The following CD99 variants were observed in gnomAD, a reference collection of about 807,000 sequenced individuals.
The protein encoded by CD99 is CD99 molecule (Xg blood group).
Under a neutral mutation model 28.4 loss-of-function variants are expected in CD99, and 19 were observed. That is an observed-to-expected ratio of 0.67 (90% CI 0.47 to 0.98). The LOEUF (loss-of-function observed/expected upper bound fraction) is 0.98, where lower values mean the gene tolerates loss of function less well. Ranked by LOEUF, CD99 falls within the 50% of genes least tolerant of loss-of-function variation. CD99 has a pLI of 0.00. For missense variants in CD99, 283 were observed against 248.8 expected (o/e 1.14, Z -0.92); for synonymous variants, 103 against 92.1 (o/e 1.12, Z -0.67).
rs1603279871 is a variant in CD99 at position 2,718,621 on chromosome X, G to T, written c.148+969G>T. ...CCTGACCTTGTGATCCACGCGCCTT[G>T]GCCTCCCAAAGTGCTGGGATTACGG... On this transcript the variant is annotated intron_variant, in intron 3 of 9. Coordinates refer to ENST00000381192, the MANE Select transcript of CD99 (RefSeq NM_002414.5). 2.6e-5 allele frequency among the ~76,000 whole-genome samples: 4 copies of T among 151,276 alleles called. No homozygotes were observed. In the South Asian group the frequency reaches 8.4e-4, roughly 32 times the overall value.
At chrX:2,714,234 T>C (rs1003794200) in intron 1 of CD99, 188 bp from the exon 2 acceptor site, 2 of 157,800 alleles carry the variant, frequency 1.3e-5, no homozygotes, top group Admixed American at 1.3e-4. Context: ...TAGGCTAACA[T>C]ATTCTTACTT....
intron 8 of CD99, chrX:2,733,546 C>T (rs2049786367): frequency 1.5e-6 from 1 of 663,302 alleles, no homozygotes; most frequent in Non-Finnish European, 2.6e-6. Flanking sequence ...CCTTCAGTTC[C>T]ATATGCTTTT....
rs201152464 is a variant in CD99, at chrX:2,732,619, CCTT to C, written c.476-5574_476-5572del. The stretch of plus-strand genomic sequence containing the variant: ...CTCCCTCTTTCTTCCTCCCTCCCTC[CCTT>C]CTTCTTTTCCTCCTTTTCCTTTTTC... On this transcript the variant is annotated intron_variant, in intron 8 of 9. Transcript: ENST00000381192. Among the ~76,000 whole-genome samples the C allele has an allele frequency of 0.018, 2,754 of 149,752 alleles. 286 individuals are homozygous for C. The East Asian group carries it at 0.34, about 19-fold the overall frequency.
At chrX:2,705,902 TC>T (rs1234244419) in intron 1 of CD99, among the ~76,000 whole-genome samples, 1 of 152,036 alleles carries the variant, frequency 6.6e-6, no homozygotes. Context: ...CAGGAGGACT[TC>T]CGGTGCTTGC....
At chrX:2,718,765 G>T (rs1469556659) in intron 3 of CD99, among the ~76,000 whole-genome samples, 1 of 152,168 alleles carries the variant, frequency 6.6e-6, no homozygotes, top group Non-Finnish European at 1.5e-5. Context: ...GAGTAAAAAT[G>T]ATGCTAAAAC....
Position 2,726,240 on chromosome X carries a change from C to CGGGA in CD99, c.362-20_362-19insGGGA. 1 of 1,489,626 alleles carries CGGGA rather than the reference C, an allele frequency of 6.7e-7. No homozygotes were observed. Among genetic ancestry groups the CGGGA allele is most frequent in the Non-Finnish European group, 9.4e-7 (1 of 1,068,292 alleles). The allele number at this position is 1,489,626 out of a possible 1,614,324, so 92.3% of individuals were successfully genotyped here. On this transcript the variant is annotated intron_variant, in intron 7 of 9. Coordinates refer to ENST00000381192, the MANE Select transcript of CD99 (RefSeq NM_002414.5). The stretch of plus-strand genomic sequence containing the variant: ...CACCGTGCGTGTCTCAATCACGATG[C>CGGGA]TGTGTGCTTCCTCCTGCAGCCGACG...
At chrX:2,694,325 C>G (rs2047472752) in intron 1 of CD99, among the ~76,000 whole-genome samples, 1 of 151,636 alleles carries the variant, frequency 6.6e-6, no homozygotes, top group African/African-American at 2.4e-5. Context: ...TCTCCTGCCC[C>G]TGTGGGTGTG....
chrX:2,706,937 C>T (rs761314793), intron 1 of CD99, among the ~76,000 whole-genome samples: 1 of 152,152 alleles, frequency 6.6e-6, no homozygotes, highest in South Asian at 2.1e-4. Context: ...TCTCCTGCCT[C>T]AGCCTCCCAA....
At chrX:2,714,158 A>C (rs2124549178) in intron 1 of CD99, among the ~76,000 whole-genome samples, 1 of 152,324 alleles carries the variant, frequency 6.6e-6, no homozygotes, top group East Asian at 1.9e-4. Flanking sequence ...ATAATACACA[A>C]AATGATCGTG....
intron 1 of CD99, among the ~76,000 whole-genome samples, chrX:2,701,752 G>A (rs1204381239): frequency 6.6e-6 from 1 of 152,224 alleles, no homozygotes; most frequent in African/African-American, 2.4e-5. Flanking sequence ...CAGCTGTGCG[G>A]GGACGCTTAA....
chrX:2,726,425 C>G (rs372719187), intron 8 of CD99, 52 bp downstream of exon 8: 7 of 1,186,766 alleles, frequency 5.9e-6, no homozygotes, highest in Non-Finnish European at 8.8e-6. Flanking sequence ...GATTGGAAAA[C>G]TGTGCTTTCT....
At position 2,740,988 on chromosome X, in the gene CD99, AT is replaced by A; in HGVS notation, c.*188del. ...GGCGGATGATGTTTACTAACGATGA[AT>A]TTTACATCCAAAGGGGGATAGGCAC... On this transcript the variant is annotated 3_prime_UTR_variant, in exon 10 of 10. Coordinates refer to ENST00000381192, the MANE Select transcript of CD99 (RefSeq NM_002414.5). 1 of 711,894 alleles carries A rather than the reference AT, an allele frequency of 1.4e-6. No individual in the cohort carries two copies. The highest frequency in any genetic ancestry group is 2.5e-6 in the Non-Finnish European group (1 of 407,374). 44.1% of individuals were successfully genotyped at this position (711,894 alleles called of 1,614,324 possible).
intron 1 of CD99, among the ~76,000 whole-genome samples, chrX:2,695,209 A>T (rs2047515631): frequency 6.6e-6 from 1 of 151,400 alleles, no homozygotes; most frequent in Admixed American, 6.6e-5. Flanking sequence ...GAAGGAGGAA[A>T]AGTCTTTTTT....
chrX:2,727,042 C>CAGG (rs2049326113), intron 8 of CD99, among the ~76,000 whole-genome samples: 1 of 152,182 alleles, frequency 6.6e-6, no homozygotes, highest in South Asian at 2.1e-4. Context: ...AAGGCTGAGG[C>CAGG]AGGAGAATGG....
intron 1 of CD99, among the ~76,000 whole-genome samples, chrX:2,702,469 T>G (rs191747233): frequency 7.0e-4 from 107 of 152,364 alleles, no homozygotes; most frequent in African/African-American, 2.1e-3. Flanking sequence ...GTTATTAACT[T>G]GTTTTAACCT....
intron 1 of CD99, among the ~76,000 whole-genome samples, chrX:2,707,402 C>A (rs311056): frequency 0.78 from 117,871 of 152,050 alleles, 45,738 homozygotes; most frequent in South Asian, 0.85. Context: ...TGCGTTTGCC[C>A]CGGTTGAGTG....
chrX:2,694,056 C>G (rs1383244495), intron 1 of CD99, among the ~76,000 whole-genome samples: 2 of 152,214 alleles, frequency 1.3e-5, no homozygotes, highest in African/African-American at 4.8e-5. Context: ...TGATTCAGGG[C>G]TGCCCCTGCA....
intron 1 of CD99, 23 bp downstream of exon 1, chrX:2,691,450 G>A (rs765317212): frequency 1.1e-4 from 172 of 1,575,806 alleles, no homozygotes; most frequent in Admixed American, 2.3e-4. Context: ...AGGGATCCGG[G>A]TTGGGGGACG....
intron 4 of CD99, among the ~76,000 whole-genome samples, 190 bp from the exon 5 acceptor site, chrX:2,720,166 T>C (rs1156821056): frequency 6.6e-6 from 1 of 152,196 alleles, no homozygotes; most frequent in Non-Finnish European, 1.5e-5. Context: ...TTAAACATAG[T>C]TGACATTAAG....
Sources: allele counts gnomAD v4.1 joint callset (sites outside exome capture counted in the v4.1 genomes callset), GRCh38; gene constraint gnomAD v4.1.1; transcripts MANE v1.5; gene names NCBI Gene and HGNC (gene_info 2026-07-23, HGNC 2026-07-21).